PARP8: variants seen among roughly 807,000 people sequenced by gnomAD.
PARP8 encodes the protein protein mono-ADP-ribosyltransferase PARP8.
Under a neutral mutation model 124.1 loss-of-function variants are expected in PARP8, and 51 were observed. That is an observed-to-expected ratio of 0.41 (90% CI 0.33 to 0.52). The LOEUF (loss-of-function observed/expected upper bound fraction) is 0.52. PARP8 is among the 20% of genes least tolerant of loss of function. PARP8 has a pLI of 0.21. For synonymous variants in PARP8, 391 were observed against 361.5 expected (o/e 1.08, Z -0.93); for missense variants, 860 against 1,018.9 (o/e 0.84, Z 2.12).
At chr5:50,764,158 A>G (rs1177854162) in intron 7 of PARP8, among the ~76,000 whole-genome samples, 1 of 152,130 alleles carries the variant, frequency 6.6e-6, no homozygotes, top group Non-Finnish European at 1.5e-5. Flanking sequence ...TTTGGCTCTT[A>G]CCTTGTTTAT....
intron 3 of PARP8, among the ~76,000 whole-genome samples, chr5:50,756,407 A>C (rs1038290164): frequency 6.6e-6 from 1 of 152,120 alleles, no homozygotes; most frequent in Non-Finnish European, 1.5e-5. Flanking sequence ...TACGCTCCAC[A>C]TTCTTCTCTA....
At chr5:50,698,114 T>G (rs1753222616) in intron 2 of PARP8, among the ~76,000 whole-genome samples, 1 of 152,216 alleles carries the variant, frequency 6.6e-6, no homozygotes, top group Non-Finnish European at 1.5e-5. Context: ...TCATGAAGAC[T>G]TTTGGTGTCA....
At chr5:50,736,106 A>G (rs1420673312) in intron 2 of PARP8, among the ~76,000 whole-genome samples, 2 of 152,124 alleles carry the variant, frequency 1.3e-5, no homozygotes, top group Non-Finnish European at 2.9e-5. Context: ...GGCAAACACC[A>G]TCAACAATAA....
In PARP8 at chr5:50,842,353, T is replaced by C. The variant is rs1251278679; in HGVS notation, c.*285T>C. 4.2e-6 allele frequency: 1 copy of C among 236,958 alleles called. No individual in the cohort carries two copies. The allele number at this position is 236,958 out of a possible 1,614,324, so 14.7% of individuals were successfully genotyped here. ...ACAGATTGAAAAAACTGTTTTGTGC[T>C]GATATTTTTATACTAAACTCTTTAA... On this transcript the variant is annotated 3_prime_UTR_variant, in exon 26 of 26. Transcript: ENST00000281631.
At chr5:50,740,230 T>C (rs1258383434) in intron 2 of PARP8, among the ~76,000 whole-genome samples, 3 of 152,156 alleles carry the variant, frequency 2.0e-5, no homozygotes, top group Non-Finnish European at 4.4e-5. Context: ...TTACAAACTG[T>C]GTAACTGCTC....
intron 3 of PARP8, among the ~76,000 whole-genome samples, chr5:50,751,802 G>C (rs983077149): frequency 3.3e-5 from 5 of 152,102 alleles, no homozygotes; most frequent in Non-Finnish European, 7.4e-5. Flanking sequence ...TGGGGAAGTA[G>C]TGTTAGTATT....
chr5:50,749,726 T>C (rs1245674018), intron 2 of PARP8, among the ~76,000 whole-genome samples: 2 of 152,138 alleles, frequency 1.3e-5, no homozygotes, highest in Non-Finnish European at 2.9e-5. Context: ...TACTTCATAT[T>C]TTGGGGAAAC....
rs556895380 is a variant in PARP8, at chr5:50,672,065, A to G, written c.146+3940A>G. 4.5e-4 allele frequency among the ~76,000 whole-genome samples: 69 copies of G among 152,170 alleles called. 2 individuals are homozygous for G. The highest frequency in any genetic ancestry group is 1.3e-4 in the Non-Finnish European group (9 of 68,038). On this transcript the variant is annotated intron_variant, in intron 2 of 25. Transcript: ENST00000281631. ...TCCTCTTTCTCCTGAGCCTTTGCAC[A>G]TGCTGCCTGGAAAACTCACCCACAA...
At chr5:50,756,970 A>G (rs1467742773) in intron 3 of PARP8, 2 of 317,192 alleles carry the variant, frequency 6.3e-6, no homozygotes, top group Non-Finnish European at 1.3e-5. Flanking sequence ...AACGTCTTCC[A>G]TGTTCATCCA....
chr5:50,736,975 A>G (rs1757532762), intron 2 of PARP8, among the ~76,000 whole-genome samples: 1 of 152,186 alleles, frequency 6.6e-6, no homozygotes, highest in African/African-American at 2.4e-5. Context: ...CATAAGAAAG[A>G]TGGGATTTGA....
At chr5:50,745,563 T>C (rs182302079) in intron 2 of PARP8, among the ~76,000 whole-genome samples, 12 of 152,304 alleles carry the variant, frequency 7.9e-5, no homozygotes, top group Admixed American at 6.5e-4. Flanking sequence ...CAAAGCTGCA[T>C]TGGACTCCTA....
intron 2 of PARP8, among the ~76,000 whole-genome samples, chr5:50,675,702 C>G (rs920196053): frequency 6.6e-6 from 1 of 152,088 alleles, no homozygotes; most frequent in African/African-American, 2.4e-5. Flanking sequence ...AGAACCAAGG[C>G]AGAGGCTGAT....
rs1554038925 is a variant in PARP8, at chr5:50,666,915, T to TCCC, written c.-179_-178insCCC. ...AAAGCCGACCTCCCCCTCCTCCTCC[T>TCCC]CCTCCCCCTCCTCCTCCTCCTCTTC... On this transcript the variant is annotated 5_prime_UTR_variant, in exon 1 of 26. Transcript: ENST00000281631. 2.3e-6 allele frequency: 3 copies of TCCC among 1,282,072 alleles called. No individual in the cohort carries two copies. The highest frequency in any genetic ancestry group is 3.0e-6 in the Non-Finnish European group (3 of 1,001,898). The allele number at this position is 1,282,072 out of a possible 1,614,324, so 79.4% of individuals were successfully genotyped here.
intron 2 of PARP8, among the ~76,000 whole-genome samples, chr5:50,706,226 T>C (rs1219377700): frequency 2.6e-5 from 4 of 152,164 alleles, no homozygotes; most frequent in African/African-American, 7.2e-5. Flanking sequence ...GAGTTTGGGT[T>C]TTTTTCAGTT....
intron 2 of PARP8, among the ~76,000 whole-genome samples, chr5:50,702,495 G>A (rs1409491292): frequency 1.3e-5 from 2 of 152,092 alleles, no homozygotes; most frequent in African/African-American, 4.8e-5. Flanking sequence ...TTTCTAGGGC[G>A]TTTTTATTTT....
At position 50,747,840 on chromosome 5, in the gene PARP8, T is replaced by G. The variant is rs574382043; in HGVS notation, c.147-2311T>G. 3.6e-3 allele frequency among the ~76,000 whole-genome samples: 504 copies of G among 139,182 alleles called. 1 individual carries two copies. The highest frequency in any genetic ancestry group is 7.2e-3 in the Admixed American group (95 of 13,162). 91.3% of individuals were successfully genotyped at this position (139,182 alleles called of 152,430 possible). On this transcript the variant is annotated intron_variant, in intron 2 of 25. Transcript: ENST00000281631. Reference sequence around the variant, plus strand: ...CAGGCTAGAGTGCAGTGGCGCGATCTCGGCTCACTTCAAGCTCCGCCTCCC... The same window carrying G: ...CAGGCTAGAGTGCAGTGGCGCGATCGCGGCTCACTTCAAGCTCCGCCTCCC...
chr5:50,754,012 C>G (rs1205880658), intron 3 of PARP8, among the ~76,000 whole-genome samples: 1 of 144,872 alleles, frequency 6.9e-6, no homozygotes, highest in Non-Finnish European at 1.5e-5. Flanking sequence ...ATAAAACATA[C>G]ACATTAAAAA....
intron 2 of PARP8, among the ~76,000 whole-genome samples, chr5:50,725,418 TATTC>T (rs957669671): frequency 1.1e-4 from 17 of 152,250 alleles, no homozygotes; most frequent in African/African-American, 3.9e-4. Flanking sequence ...ATTAATGAAT[TATTC>T]ATCTGTACTT....
chr5:50,815,388 G>A (rs758367322), intron 14 of PARP8, 44 bp from the exon 15 acceptor site: 2 of 1,375,488 alleles, frequency 1.5e-6, no homozygotes, highest in South Asian at 2.7e-5. Flanking sequence ...TTGATATTGA[G>A]AGTTGGAAAA....
Sources: allele counts gnomAD v4.1 joint callset (sites outside exome capture counted in the v4.1 genomes callset), GRCh38; gene constraint gnomAD v4.1.1; transcripts MANE v1.5; gene names NCBI Gene and HGNC (gene_info 2026-07-23, HGNC 2026-07-21).